The following PLEKHA5 variants were observed in gnomAD, a reference collection of about 807,000 sequenced individuals.
PLEKHA5 encodes pleckstrin homology domain-containing family A member 5.
A neutral mutation model predicts 181.9 loss-of-function variants in PLEKHA5; 55 were observed. The ratio of observed to expected loss-of-function variants is 0.30; its 90% CI spans 0.24 to 0.38. PLEKHA5 has a LOEUF of 0.38. PLEKHA5 is among the 10% of genes least tolerant of loss of function. The probability of loss-of-function intolerance (pLI) is 1.00; values close to 1 mark genes in which losing one functional copy is unlikely to be tolerated. For synonymous variants in PLEKHA5, 535 were observed against 529.4 expected, an observed-to-expected ratio of 1.01 and a Z score of -0.15; for missense variants, 1,432 against 1,549.5, an observed-to-expected ratio of 0.92 and a Z score of 1.27.
intron 6 of PLEKHA5, 30 bp from the exon 7 acceptor site, chr12:19,260,919 A>G (rs1007444986): frequency 2.2e-6 from 3 of 1,341,688 alleles, no homozygotes; most frequent in Non-Finnish European, 3.1e-6. Flanking sequence ...TGTTTGAGAA[A>G]TAATCCTTAA....
At chr12:19,267,471 C>T (rs2070867561) in intron 8 of PLEKHA5, among the ~76,000 whole-genome samples, 1 of 150,956 alleles carries the variant, frequency 6.6e-6, no homozygotes, top group South Asian at 2.1e-4. Flanking sequence ...ACCAGCCTGG[C>T]CAACATGGTG....
chr12:19,195,531 G>C (rs1284571049), intron 3 of PLEKHA5, among the ~76,000 whole-genome samples: 5 of 151,686 alleles, frequency 3.3e-5, no homozygotes, highest in Admixed American at 6.6e-5. Flanking sequence ...TTAGCCGGGC[G>C]TGCTGGCACA....
intron 5 of PLEKHA5, among the ~76,000 whole-genome samples, chr12:19,256,848 T>G (rs2067012593): frequency 6.6e-6 from 1 of 152,186 alleles, no homozygotes; most frequent in African/African-American, 2.4e-5. Context: ...TTATGTGTAT[T>G]TTGAAGAATC....
At chr12:19,158,834 AAATTGGG>A (rs2042351389) in intron 3 of PLEKHA5, among the ~76,000 whole-genome samples, 2 of 152,172 alleles carry the variant, frequency 1.3e-5, no homozygotes, top group Admixed American at 6.5e-5. Context: ...TTACTGTAGT[AAATTGGG>A]TGTGATTTTA....
At chr12:19,278,429 A>G (rs1167282932) in intron 11 of PLEKHA5, among the ~76,000 whole-genome samples, 2 of 152,124 alleles carry the variant, frequency 1.3e-5, no homozygotes, top group Non-Finnish European at 2.9e-5. Context: ...TAGATTGATA[A>G]TGTATGTCCC....
Position 19,257,552 on chromosome 12 carries a change from T to G in PLEKHA5, c.537+15T>G, listed in dbSNP as rs748547205. The G allele has an allele frequency of 7.8e-7, 1 of 1,280,548 alleles. No individual in the cohort carries two copies. The highest frequency in any genetic ancestry group is 1.5e-5 in the African/African-American group (1 of 66,846). The allele number at this position is 1,280,548 out of a possible 1,614,324, so 79.3% of individuals were successfully genotyped here. On this transcript the variant is annotated intron_variant, in intron 6 of 31. Transcript: ENST00000429027. ...TTTATAAACAGGTATTTTTTTTTTT[T>G]TGATATGAAACAAAAGACAGAATTA...
chr12:19,351,991 G>T (rs964663818), intron 25 of PLEKHA5, among the ~76,000 whole-genome samples: 1 of 149,964 alleles, frequency 6.7e-6, no homozygotes, highest in Non-Finnish European at 1.5e-5. Flanking sequence ...CAGGAGAATC[G>T]CTTGAATGCA....
chr12:19,147,998 A>T (rs1355550435), intron 3 of PLEKHA5, among the ~76,000 whole-genome samples: 1 of 71,896 alleles, frequency 1.4e-5, no homozygotes, highest in Non-Finnish European at 2.6e-5. Context: ...TGGCCTCCCA[A>T]AGTGTTAAGA....
At chr12:19,267,380 G>T (rs531289931) in intron 8 of PLEKHA5, among the ~76,000 whole-genome samples, 1 of 152,164 alleles carries the variant, frequency 6.6e-6, no homozygotes, top group Non-Finnish European at 1.5e-5. Context: ...TGAGCAGGCC[G>T]GGCACAGGGG....
At chr12:19,293,526 G>A in intron 15 of PLEKHA5, among the ~76,000 whole-genome samples, 1 of 152,088 alleles carries the variant, frequency 6.6e-6, no homozygotes, top group East Asian at 1.9e-4. Context: ...TACACTGCCA[G>A]AAAGCTGCTA....
intron 15 of PLEKHA5, among the ~76,000 whole-genome samples, chr12:19,299,760 T>G (rs1311334435): frequency 6.6e-6 from 1 of 152,338 alleles, no homozygotes; most frequent in East Asian, 1.9e-4. Flanking sequence ...AGTCTGTGAC[T>G]GCTGAAATTG....
chr12:19,371,809 T>C (rs2095583339), intron 31 of PLEKHA5: 1 of 152,220 alleles, frequency 6.6e-6, no homozygotes, highest in Admixed American at 6.5e-5. Context: ...TGACTTGTTT[T>C]CTTTTGGGTC....
At chr12:19,246,716 A>G (rs893361733) in intron 3 of PLEKHA5, among the ~76,000 whole-genome samples, 2 of 151,844 alleles carry the variant, frequency 1.3e-5, no homozygotes, top group African/African-American at 4.8e-5. Context: ...TATTTTACCT[A>G]TAGATATCAG....
At chr12:19,220,771 CAGAA>C (rs1469752954) in intron 3 of PLEKHA5, among the ~76,000 whole-genome samples, 2 of 150,984 alleles carry the variant, frequency 1.3e-5, no homozygotes, top group Non-Finnish European at 2.9e-5. Flanking sequence ...TGAATTTTAA[CAGAA>C]AGCGTAATTC....
At chr12:19,261,245 T>C (rs952430297) in intron 7 of PLEKHA5, among the ~76,000 whole-genome samples, 25 of 152,252 alleles carry the variant, frequency 1.6e-4, no homozygotes, top group Non-Finnish European at 3.1e-4. Flanking sequence ...TTGGTTCAGC[T>C]TCCCTAATCT....
intron 25 of PLEKHA5, among the ~76,000 whole-genome samples, chr12:19,352,076 CAAAA>C (rs1188985121): frequency 7.5e-5 from 3 of 39,846 alleles, no homozygotes; most frequent in East Asian, 8.3e-4. Context: ...AACTCCATCT[CAAAA>C]AAAAAAAAAA....
intron 15 of PLEKHA5, among the ~76,000 whole-genome samples, chr12:19,313,597 A>G (rs1280479134): frequency 6.6e-6 from 1 of 152,034 alleles, no homozygotes; most frequent in Non-Finnish European, 1.5e-5. Context: ...TTCTTCAGTG[A>G]AGTTTTTTTT....
At chr12:19,275,822 C>T (rs1023987324) in intron 11 of PLEKHA5, among the ~76,000 whole-genome samples, 1 of 151,984 alleles carries the variant, frequency 6.6e-6, no homozygotes, top group Admixed American at 6.6e-5. Context: ...TTGCATGCAC[C>T]TTTTCTTAAT....
intron 25 of PLEKHA5, among the ~76,000 whole-genome samples, chr12:19,350,541 C>T (rs1047162044): frequency 6.6e-6 from 1 of 152,254 alleles, no homozygotes. Context: ...AAGGCAGAGG[C>T]GGGCGGATCA....
Sources: gnomAD v4.1 joint callset for allele counts (sites outside exome capture counted in the v4.1 genomes callset) on GRCh38, gnomAD v4.1.1 for gene constraint, MANE v1.5 for transcripts, NCBI Gene and HGNC (gene_info 2026-07-23, HGNC 2026-07-21) for gene names.